NAALADL2: variants seen among roughly 807,000 people sequenced by gnomAD.
NAALADL2 encodes the protein N-acetylated alpha-linked acidic dipeptidase like 2, also known as inactive N-acetylated-alpha-linked acidic dipeptidase-like protein 2.
A neutral mutation model predicts 87.2 loss-of-function variants in NAALADL2; 76 were observed. That is an observed-to-expected ratio of 0.87 (90% confidence interval 0.72 to 1.05). NAALADL2 has a LOEUF of 1.05. Ranked by LOEUF, NAALADL2 falls within the 50% of genes least tolerant of loss-of-function variation. The pLI is 0.00. For synonymous variants in NAALADL2, 354 were observed against 331.0 expected, an observed-to-expected ratio of 1.07 and a Z score of -0.75; for missense variants, 1,089 against 945.8, an observed-to-expected ratio of 1.15 and a Z score of -1.99.
chr3:175,417,502 A>G (rs1367731305), intron 5 of NAALADL2, among the ~76,000 whole-genome samples: 1 of 151,638 alleles, frequency 6.6e-6, no homozygotes, highest in Non-Finnish European at 1.5e-5. Context: ...ATTAATTTCT[A>G]CTGAGTAGGA....
intron 10 of NAALADL2, among the ~76,000 whole-genome samples, chr3:175,594,188 C>T (rs905065948): frequency 2.0e-5 from 3 of 151,938 alleles, no homozygotes; most frequent in South Asian, 2.1e-4. Flanking sequence ...TCTATTGTTC[C>T]CATGTTTATA....
intron 1 of NAALADL2, among the ~76,000 whole-genome samples, chr3:175,046,636 C>A (rs1471312768): frequency 1.3e-5 from 2 of 152,104 alleles, no homozygotes; most frequent in Non-Finnish European, 2.9e-5. Flanking sequence ...AGCATACTGG[C>A]AAAAACTGCC....
At chr3:175,249,319 A>C (rs566898700) in intron 3 of NAALADL2, among the ~76,000 whole-genome samples, 2 of 152,206 alleles carry the variant, frequency 1.3e-5, no homozygotes, top group Admixed American at 6.5e-5. Flanking sequence ...AAAGTTTGAT[A>C]TTTAAAATAA....
upstream of NAALADL2, among the ~76,000 whole-genome samples, chr3:174,858,489 A>G (rs1726100489): frequency 6.6e-6 from 1 of 152,060 alleles, no homozygotes; most frequent in Admixed American, 6.6e-5. Flanking sequence ...TCTATTCAAA[A>G]GGCAATGCAA....
chr3:175,587,200 T>C (rs1375783889), intron 10 of NAALADL2, among the ~76,000 whole-genome samples: 1 of 152,078 alleles, frequency 6.6e-6, no homozygotes, highest in Non-Finnish European at 1.5e-5. Flanking sequence ...AAATAAATGC[T>C]TAGACAGATT....
intron 1 of NAALADL2, among the ~76,000 whole-genome samples, chr3:174,870,723 T>C (rs953119234): frequency 1.3e-5 from 2 of 152,146 alleles, no homozygotes; most frequent in Non-Finnish European, 2.9e-5. Flanking sequence ...AAAGAGCTAC[T>C]TTAAAAAAAT....
At chr3:175,707,108 T>G (rs971786705) in intron 11 of NAALADL2, among the ~76,000 whole-genome samples, 14 of 152,098 alleles carry the variant, frequency 9.2e-5, no homozygotes, top group African/African-American at 3.4e-4. Flanking sequence ...TTATTAATAA[T>G]AATAGTGTAA....
At chr3:175,560,855 C>G (rs145871289) in intron 9 of NAALADL2, among the ~76,000 whole-genome samples, 40 of 152,274 alleles carry the variant, frequency 2.6e-4, no homozygotes, top group African/African-American at 7.5e-4. Flanking sequence ...CTCTTGACCT[C>G]ATGATCCACC....
intron 2 of NAALADL2, among the ~76,000 whole-genome samples, chr3:174,681,482 T>C (rs1377131067): frequency 6.6e-6 from 1 of 152,064 alleles, no homozygotes; most frequent in East Asian, 1.9e-4. Flanking sequence ...GACTTGGTCT[T>C]GCAACTTGGA....
intron 2 of NAALADL2, among the ~76,000 whole-genome samples, chr3:174,646,346 T>C (rs1723780834): frequency 1.3e-5 from 2 of 152,090 alleles, no homozygotes; most frequent in Admixed American, 6.6e-5. Context: ...AAAATAGATA[T>C]ACAATAGAAA....
intron 5 of NAALADL2, among the ~76,000 whole-genome samples, chr3:175,360,195 T>C (rs1432291800): frequency 2.0e-5 from 3 of 152,144 alleles, no homozygotes; most frequent in African/African-American, 7.2e-5. Context: ...CCATGTGGTA[T>C]TATTTATTTC....
At chr3:175,259,963 G>A (rs761645389) in intron 4 of NAALADL2, among the ~76,000 whole-genome samples, 3 of 151,938 alleles carry the variant, frequency 2.0e-5, no homozygotes, top group Non-Finnish European at 4.4e-5. Context: ...GGGAGGTGGA[G>A]GTTGTAGTGA....
intron 2 of NAALADL2, among the ~76,000 whole-genome samples, chr3:175,120,755 G>A (rs540435336): frequency 6.6e-6 from 1 of 151,502 alleles, no homozygotes; most frequent in Non-Finnish European, 1.5e-5. Context: ...GACCCTTTTT[G>A]TTCTTTGAAA....
chr3:174,993,068 C>T (rs1289219005), intron 1 of NAALADL2, among the ~76,000 whole-genome samples: 2 of 152,014 alleles, frequency 1.3e-5, no homozygotes, highest in Non-Finnish European at 2.9e-5. Context: ...ATGAAAACAT[C>T]TGTGTTCCCT....
chr3:175,121,230 T>C (rs2108566137), intron 2 of NAALADL2, among the ~76,000 whole-genome samples: 1 of 152,004 alleles, frequency 6.6e-6, no homozygotes, highest in Non-Finnish European at 1.5e-5. Context: ...AGTGTGTTGG[T>C]GATGGCTGGG....
At chr3:175,262,575 A>AGAGTGTGTGT (rs1553841751) in intron 4 of NAALADL2, among the ~76,000 whole-genome samples, 1 of 147,012 alleles carries the variant, frequency 6.8e-6, no homozygotes, top group Admixed American at 6.8e-5. Flanking sequence ...ATGTTGTGTG[A>AGAGTGTGTGT]GTGTGTGTGT....
chr3:174,898,183 G>T lies in NAALADL2; in HGVS notation c.43+38733G>T, dbSNP rs900722143. Among the ~76,000 whole-genome samples, 7 of 147,184 alleles carry T rather than the reference G, an allele frequency of 4.8e-5. No individual in the cohort carries two copies. In the Admixed American group the frequency reaches 4.8e-4, roughly 10 times the overall value. The stretch of plus-strand genomic sequence containing the variant: ...GATCTTATCATTTGCAATAACATGG[G>T]CAGAATTGGAGATTATTATGTTAAG... On this transcript the variant is annotated intron_variant, in intron 1 of 13. Coordinates refer to ENST00000454872, the MANE Select transcript of NAALADL2 (RefSeq NM_207015.3).
At chr3:174,495,666 A>G (rs1718484516) in intron 1 of NAALADL2, among the ~76,000 whole-genome samples, 1 of 152,206 alleles carries the variant, frequency 6.6e-6, no homozygotes, top group Non-Finnish European at 1.5e-5. Context: ...GCTTTTTGAG[A>G]GGTTCACAGG....
At chr3:175,759,465 C>A (rs1747713147) in intron 13 of NAALADL2, among the ~76,000 whole-genome samples, 1 of 151,328 alleles carries the variant, frequency 6.6e-6, no homozygotes, top group African/African-American at 2.4e-5. Flanking sequence ...TCAAGCGATT[C>A]TCCTGCCTCT....
Sources: allele counts gnomAD v4.1 joint callset (sites outside exome capture counted in the v4.1 genomes callset), GRCh38; gene constraint gnomAD v4.1.1; transcripts MANE v1.5; gene names NCBI Gene and HGNC (gene_info 2026-07-23, HGNC 2026-07-21).